The following CMSS1 variants were observed in gnomAD, a reference collection of about 807,000 sequenced individuals.
CMSS1 encodes the protein cms1 ribosomal small subunit homolog, also known as protein CMSS1.
In CMSS1, 33 loss-of-function variants were observed where a neutral mutation model predicts 43.5. That is an observed-to-expected ratio of 0.76 (90% CI 0.57 to 1.01). The LOEUF is 1.01. CMSS1 is among the 50% of genes least tolerant of loss of function. The probability of loss-of-function intolerance (pLI) is 0.00; values close to 1 mark genes in which losing one functional copy is unlikely to be tolerated. For synonymous variants in CMSS1, 115 were observed against 117.2 expected (o/e 0.98, Z 0.12); for missense variants, 313 against 326.4 (o/e 0.96, Z 0.32).
intron 1 of CMSS1, among the ~76,000 whole-genome samples, chr3:100,108,704 G>A (rs182541202): frequency 1.3e-5 from 2 of 152,260 alleles, no homozygotes; most frequent in Admixed American, 1.3e-4. Context: ...ACAGTGTCTG[G>A]CACTCGTTTG....
chr3:99,983,389 A>AATATAT (rs397990626), intron 1 of CMSS1, among the ~76,000 whole-genome samples: 26 of 40,792 alleles, frequency 6.4e-4, no homozygotes, highest in African/African-American at 2.2e-3. Context: ...TAAATAAATA[A>AATATAT]ATATATATAT....
intron 1 of CMSS1, among the ~76,000 whole-genome samples, chr3:100,107,279 GGTTA>G (rs1407126351): frequency 1.3e-5 from 2 of 152,128 alleles, no homozygotes; most frequent in African/African-American, 4.8e-5. Context: ...GAAAAAACTA[GGTTA>G]TTTAGGTCAT....
At chr3:100,141,979 A>G (rs1253187062) in intron 1 of CMSS1, among the ~76,000 whole-genome samples, 1 of 152,220 alleles carries the variant, frequency 6.6e-6, no homozygotes, top group East Asian at 1.9e-4. Flanking sequence ...CTTAATGGAA[A>G]TCACAGAACT....
intron 6 of CMSS1, among the ~76,000 whole-genome samples, chr3:100,170,955 C>A (rs2067104860): frequency 5.9e-5 from 9 of 152,168 alleles, no homozygotes; most frequent in Admixed American, 5.9e-4. Flanking sequence ...TCAGATTGCA[C>A]ATATAAAAAT....
chr3:100,158,388 C>G (rs577984470), intron 2 of CMSS1, among the ~76,000 whole-genome samples: 1 of 152,264 alleles, frequency 6.6e-6, no homozygotes, highest in African/African-American at 2.4e-5. Flanking sequence ...AATTGGTTTC[C>G]AGAAATGCTT....
At chr3:99,910,743 T>C (rs1706761182) in intron 1 of CMSS1, among the ~76,000 whole-genome samples, 1 of 150,710 alleles carries the variant, frequency 6.6e-6, no homozygotes, top group South Asian at 2.1e-4. Context: ...CCCATACTCT[T>C]CTCAGAACCC....
chr3:100,105,410 G>T (rs1423083076), intron 1 of CMSS1, among the ~76,000 whole-genome samples: 1 of 152,106 alleles, frequency 6.6e-6, no homozygotes, highest in African/African-American at 2.4e-5. Flanking sequence ...CATTTCTTTT[G>T]AATCAACTGC....
chr3:100,049,005 T>C (rs1433782099), intron 1 of CMSS1, among the ~76,000 whole-genome samples: 1 of 152,224 alleles, frequency 6.6e-6, no homozygotes, highest in Admixed American at 6.5e-5. Context: ...ACATCTTATA[T>C]GAATAAAAGA....
intron 9 of CMSS1, among the ~76,000 whole-genome samples, chr3:100,178,060 A>G (rs888087747): frequency 2.0e-5 from 3 of 152,236 alleles, no homozygotes; most frequent in Non-Finnish European, 4.4e-5. Context: ...CAGAGATAGC[A>G]GTTAGCCGAG....
chr3:99,827,795 A>G (rs147546611), intron 1 of CMSS1, among the ~76,000 whole-genome samples: 1,758 of 152,046 alleles, frequency 0.012, 19 homozygotes, highest in African/African-American at 0.026. Flanking sequence ...AGTAGAGACG[A>G]GGTTTCTCCA....
chr3:99,818,061 G>C lies in CMSS1; in HGVS notation c.64+18G>C. On this transcript the variant is annotated intron_variant, in intron 1 of 9. Coordinates refer to ENST00000421999, the MANE Select transcript of CMSS1 (RefSeq NM_032359.4). ...CAGCCCAGGTACCCACTCTGTGCCC[G>C]CGCTCCTACGGGGCCTCTCCCGGAG... The C allele has an allele frequency of 6.2e-7, 1 of 1,610,722 alleles. No homozygotes were observed. The highest frequency in any genetic ancestry group is 8.5e-7 in the Non-Finnish European group (1 of 1,178,090).
intron 1 of CMSS1, among the ~76,000 whole-genome samples, chr3:100,068,928 C>T (rs998049361): frequency 6.6e-6 from 1 of 152,230 alleles, no homozygotes; most frequent in Admixed American, 6.5e-5. Flanking sequence ...TCAGCTTGCT[C>T]TCACCCTCGC....
intron 6 of CMSS1, among the ~76,000 whole-genome samples, chr3:100,171,449 C>T (rs1438369211): frequency 6.6e-6 from 1 of 152,032 alleles, no homozygotes; most frequent in Non-Finnish European, 1.5e-5. Context: ...GACATCACCG[C>T]TCCAAGATAT....
intron 1 of CMSS1, among the ~76,000 whole-genome samples, chr3:99,975,847 C>T (rs1488653547): frequency 1.3e-5 from 2 of 152,176 alleles, no homozygotes; most frequent in African/African-American, 2.4e-5. Context: ...TCCATTATTG[C>T]ATATTTTCTT....
chr3:99,956,662 T>C (rs1037601045), intron 1 of CMSS1, among the ~76,000 whole-genome samples: 4 of 152,208 alleles, frequency 2.6e-5, no homozygotes, highest in African/African-American at 9.7e-5. Context: ...CATGTAAGCT[T>C]TGGATCATAA....
intron 1 of CMSS1, chr3:99,849,343 C>A (rs1298284284): frequency 1.2e-6 from 2 of 1,614,096 alleles, no homozygotes; most frequent in South Asian, 1.1e-5. Context: ...GAGGCTCTTA[C>A]TGAAATGCCG....
In CMSS1 at chr3:100,165,856, C is replaced by G. The variant is rs1366495980; in HGVS notation, c.356-479C>G. 2.0e-5 allele frequency among the ~76,000 whole-genome samples: 3 copies of G among 152,292 alleles called. No individual in the cohort carries two copies. The East Asian group carries it at 5.8e-4, about 29-fold the overall frequency. On this transcript the variant is annotated intron_variant, in intron 4 of 9. Coordinates refer to ENST00000421999, the MANE Select transcript of CMSS1 (RefSeq NM_032359.4). ...CTATACCAGTTTATACTTCCACTTA[C>G]AGTTCACAAGAGTTTCCATCAACTT...
intron 1 of CMSS1, among the ~76,000 whole-genome samples, chr3:99,875,093 A>C (rs1336787416): frequency 6.6e-6 from 1 of 152,238 alleles, no homozygotes; most frequent in Non-Finnish European, 1.5e-5. Flanking sequence ...AGACCAGATA[A>C]GGATTGAATG....
intron 6 of CMSS1, among the ~76,000 whole-genome samples, chr3:100,171,100 T>C (rs2067106242): frequency 6.6e-6 from 1 of 152,160 alleles, no homozygotes; most frequent in African/African-American, 2.4e-5. Context: ...TCTTCACCCC[T>C]GCTTCCCAGA....
Sources: gnomAD v4.1 joint callset for allele counts (sites outside exome capture counted in the v4.1 genomes callset) on GRCh38, gnomAD v4.1.1 for gene constraint, MANE v1.5 for transcripts, NCBI Gene and HGNC (gene_info 2026-07-23, HGNC 2026-07-21) for gene names.